The following CACNA1G variants were observed in gnomAD, a reference collection of about 807,000 sequenced individuals.
CACNA1G encodes voltage-dependent T-type calcium channel subunit alpha-1G.
Under a neutral mutation model 219.4 loss-of-function variants are expected in CACNA1G, and 67 were observed. The ratio of observed to expected loss-of-function variants is 0.31; its 90% CI spans 0.25 to 0.37. The LOEUF is 0.37. Among genes scored for constraint, CACNA1G ranks in the 10% least tolerant of loss-of-function variants. CACNA1G has a pLI of 1.00. For synonymous variants in CACNA1G, 1,296 were observed against 1,345.3 expected (o/e 0.96, Z 0.80); for missense variants, 2,380 against 3,231.4 (o/e 0.74, Z 6.39).
Position 50,616,255 on chromosome 17 carries a change from C to G in CACNA1G, c.4912-20C>G. 1 of 1,512,202 alleles carries G rather than the reference C, an allele frequency of 6.6e-7. No individual in the cohort carries two copies. The allele number at this position is 1,512,202 out of a possible 1,614,324, so 93.7% of individuals were successfully genotyped here. A position where few individuals can be genotyped will look rare whatever the true frequency, so the allele number is the denominator to read the frequency against. ...CCCTGGGCCTTAAGGGACCCTGCATCTTGCCCCCATCCCTGCCAGATTCTG... is the reference window on the plus strand; with the variant it reads ...CCCTGGGCCTTAAGGGACCCTGCATGTTGCCCCCATCCCTGCCAGATTCTG... On this transcript the variant is annotated intron_variant, in intron 27 of 37. Transcript: ENST00000359106.
At chr17:50,570,490 G>A (rs935756333) in intron 4 of CACNA1G, among the ~76,000 whole-genome samples, 2 of 151,766 alleles carry the variant, frequency 1.3e-5, no homozygotes, top group East Asian at 1.9e-4. Flanking sequence ...GGTGGTTGGC[G>A]AGGAATGCAT....
At position 50,607,447 on chromosome 17, in the gene CACNA1G, C is replaced by T. The variant is rs1015404403; in HGVS notation, c.4513-380C>T. 7 of 338,044 alleles carry T rather than the reference C, an allele frequency of 2.1e-5. 1 individual carries two copies. The East Asian group carries it at 2.3e-4, about 11-fold the overall frequency. 20.9% of individuals were successfully genotyped at this position (338,044 alleles called of 1,614,324 possible). On this transcript the variant is annotated intron_variant, in intron 24 of 37. Transcript: ENST00000359106. ...GTTTGAGGCTGCAATAAGCTGTGATCGCACCACTGCACTCCAGCCTAAGCA... is the reference window on the plus strand; with the variant it reads ...GTTTGAGGCTGCAATAAGCTGTGATTGCACCACTGCACTCCAGCCTAAGCA...
chr17:50,567,537 C>T (rs946394325), intron 1 of CACNA1G, among the ~76,000 whole-genome samples: 1 of 152,046 alleles, frequency 6.6e-6, no homozygotes, highest in Non-Finnish European at 1.5e-5. Context: ...TGGCCAAAGC[C>T]TTCTCATTCC....
Position 50,621,968 on chromosome 17 carries a change from G to T in CACNA1G, c.6060+174G>T, listed in dbSNP as rs573595668. Among the ~76,000 whole-genome samples the T allele has an allele frequency of 5.3e-5, 8 of 152,230 alleles. No homozygotes were observed. Among genetic ancestry groups the T allele is most frequent in the African/African-American group, 1.9e-4 (8 of 41,536 alleles). ...GTGGCCCACGCTTTGCTGGCACAAGGTCTTCAGGTTCCCCACTGGGGACAA... is the reference window on the plus strand; with the variant it reads ...GTGGCCCACGCTTTGCTGGCACAAGTTCTTCAGGTTCCCCACTGGGGACAA... On this transcript the variant is annotated intron_variant, in intron 35 of 37. Transcript: ENST00000359106. The surrounding 1 kb of genome is among the most constrained non-coding windows in gnomAD (Gnocchi z 4.6).
In CACNA1G at chr17:50,573,089, C is replaced by T. The variant is rs867835820; in HGVS notation, c.1116C>T (p.Phe372=). The change falls in exon 7 of 38, where the codon TTC becomes TTT. Residue 372 remains phenylalanine, a synonymous_variant. Transcript: ENST00000359106. ...TGGATGCTCATTCCTTCTACAATTT[C>T]ATCTACTTCATCCTCCTCATCATCG... ...FVMDAHSFYN[F]IYFILLIIVG... 1 of 1,572,740 alleles carries T rather than the reference C, an allele frequency of 6.4e-7. No individual in the cohort carries two copies. Among genetic ancestry groups the T allele is most frequent in the Non-Finnish European group, 8.6e-7 (1 of 1,157,776 alleles).
rs767579212 is a variant in CACNA1G, at chr17:50,578,915, G to C, written c.2301+351G>C. Among the ~76,000 whole-genome samples the C allele has an allele frequency of 2.0e-5, 3 of 152,194 alleles. No individual in the cohort carries two copies. The highest frequency in any genetic ancestry group is 4.4e-5 in the Non-Finnish European group (3 of 68,042). On this transcript the variant is annotated intron_variant, in intron 9 of 37. Coordinates refer to ENST00000359106, the MANE Select transcript of CACNA1G (RefSeq NM_018896.5). This position sits in a 1 kb window ranked among gnomAD's most constrained non-coding sequence, Gnocchi z 4.5. ...TGTTTGGGTCTTTGGAGAAGGTGTA[G>C]TGCGGAGGGCGGGTGTTGGAGGTCC...
chr17:50,619,139 G>C, intron 33 of CACNA1G, 131 bp downstream of exon 33: 1 of 700,072 alleles, frequency 1.4e-6, no homozygotes, highest in Non-Finnish European at 2.3e-6. Context: ...CTCCGTCCTG[G>C]ATGCTGAGCG....
chr17:50,608,695 G>A lies in CACNA1G; in HGVS notation c.4705+676G>A, dbSNP rs145311380. Among the ~76,000 whole-genome samples the A allele has an allele frequency of 2.1e-3, 316 of 152,316 alleles. 1 individual carries two copies. Among genetic ancestry groups the A allele is most frequent in the Non-Finnish European group, 2.7e-3 (183 of 68,028 alleles). ...TCCCCAGCATCTCTTGGCATTGGGT[G>A]GGTGAAGCCCCCATCCGTCCGTCCT... On this transcript the variant is annotated intron_variant, in intron 25 of 37. Transcript: ENST00000359106.
chr17:50,591,841 C>T lies in CACNA1G; in HGVS notation c.2742C>T (p.Val914=), dbSNP rs1321893984. The change falls in exon 12 of 38, where the codon GTC becomes GTT. Residue 914 remains valine, a synonymous_variant. Coordinates refer to ENST00000359106, the MANE Select transcript of CACNA1G (RefSeq NM_018896.5). ...KNFDSLLWAI[V]TVFQILTQED... is the part of the protein sequence containing the mutation. Reference sequence around the variant, plus strand: ...TTGACTCCTTGCTCTGGGCCATCGTCACTGTCTTTCAGGTGCGAGGGTAAC... The same window carrying T: ...TTGACTCCTTGCTCTGGGCCATCGTTACTGTCTTTCAGGTGCGAGGGTAAC... 3.1e-6 allele frequency: 5 copies of T among 1,613,844 alleles called. No individual in the cohort carries two copies. The highest frequency in any genetic ancestry group is 2.2e-5 in the East Asian group (1 of 44,886).
At chr17:50,566,308 C>A (rs991747282) in intron 1 of CACNA1G, among the ~76,000 whole-genome samples, 10 of 142,798 alleles carry the variant, frequency 7.0e-5, no homozygotes, top group Non-Finnish European at 1.5e-4. Flanking sequence ...GGTGAAAGAC[C>A]CCCCCCCCAT....
At position 50,621,532 on chromosome 17, in the gene CACNA1G, T is replaced by G; in HGVS notation, c.5926-128T>G. 9.7e-7 allele frequency: 1 copy of G among 1,032,700 alleles called. No homozygotes were observed. Among genetic ancestry groups the G allele is most frequent in the Non-Finnish European group, 1.4e-6 (1 of 712,702 alleles). 64.0% of individuals were successfully genotyped at this position (1,032,700 alleles called of 1,614,324 possible). On this transcript the variant is annotated intron_variant, in intron 34 of 37. Transcript: ENST00000359106. The surrounding 1 kb of genome is among the most constrained non-coding windows in gnomAD (Gnocchi z 4.6). ...AGGGTGGGGAGAGAGAAGGGATGCC[T>G]TTTTCCCGCCCCCCTGTGCTTCGTG...
At chr17:50,613,305 C>T (rs2049661711) in intron 26 of CACNA1G, among the ~76,000 whole-genome samples, 1 of 152,228 alleles carries the variant, frequency 6.6e-6, no homozygotes, top group African/African-American at 2.4e-5. Flanking sequence ...GGATTTCTGG[C>T]AGCCTCAGCA....
At chr17:50,624,604 C>G in intron 37 of CACNA1G, 75 bp downstream of exon 37, 1 of 1,319,040 alleles carries the variant, frequency 7.6e-7, no homozygotes, top group African/African-American at 1.5e-5. Flanking sequence ...TGTGTTGACA[C>G]TTTCATTCTT....
rs767563555 is a variant in CACNA1G at position 50,609,837 on chromosome 17, G to A, written c.4706-45G>A. The A allele has an allele frequency of 3.3e-5, 53 of 1,587,802 alleles. No homozygotes were observed. The African/African-American group carries it at 5.1e-4, about 15-fold the overall frequency. On this transcript the variant is annotated intron_variant, in intron 25 of 37. Transcript: ENST00000359106. ...CCGCCCCTGAGGGGCCCTGCCCAGC[G>A]CACCTGGTCCGGCCAGTGACCAATG...
chr17:50,586,044 C>T (rs879763929), intron 9 of CACNA1G, among the ~76,000 whole-genome samples: 2 of 152,204 alleles, frequency 1.3e-5, no homozygotes, highest in Non-Finnish European at 2.9e-5. Flanking sequence ...GCCTGTCCAG[C>T]CCCTCATGCC....
intron 9 of CACNA1G, among the ~76,000 whole-genome samples, chr17:50,579,533 A>G (rs1038185448): frequency 6.6e-6 from 1 of 151,908 alleles, no homozygotes; most frequent in African/African-American, 2.4e-5. Flanking sequence ...CCCTCCCCCC[A>G]GTCTGGCCTT....
chr17:50,569,015 T>TGTGTGTGG, intron 2 of CACNA1G, 34 bp downstream of exon 2: 9 of 1,225,438 alleles, frequency 7.3e-6, no homozygotes, highest in South Asian at 1.4e-5. Flanking sequence ...TGTGTGTGTG[T>TGTGTGTGG]TGTGTGTGTT....
rs371359981 is a variant in CACNA1G, at chr17:50,578,776, A to T, written c.2301+212A>T. On this transcript the variant is annotated intron_variant, in intron 9 of 37. Transcript: ENST00000359106. The surrounding 1 kb of genome is among the most constrained non-coding windows in gnomAD (Gnocchi z 4.5). ...AGTCTCTGAGTATGGAGGTCGCCTC[A>T]GGTAGGCCACAGGGTATGTTCTACC... Among the ~76,000 whole-genome samples, 4 of 152,204 alleles carry T rather than the reference A, an allele frequency of 2.6e-5. No individual in the cohort carries two copies. In the East Asian group the frequency reaches 7.7e-4, roughly 29 times the overall value.
chr17:50,590,412 G>T, intron 9 of CACNA1G, 59 bp from the exon 10 acceptor site: 2 of 1,586,962 alleles, frequency 1.3e-6, no homozygotes, highest in Admixed American at 3.4e-5. Flanking sequence ...ATGTTTGGAG[G>T]ACTGGATCGA....
Sources: allele counts gnomAD v4.1 joint callset (sites outside exome capture counted in the v4.1 genomes callset), GRCh38; gene constraint gnomAD v4.1.1; non-coding constraint Gnocchi (gnomAD v3.1); transcripts MANE v1.5; gene names NCBI Gene and HGNC (gene_info 2026-07-23, HGNC 2026-07-21).